PRMT3: variants seen among roughly 807,000 people sequenced by gnomAD.
The protein encoded by PRMT3 is protein arginine N-methyltransferase 3.
PRMT3 carries 62 observed loss-of-function variants against 71.9 expected under a neutral mutation model. That is an observed-to-expected ratio of 0.86 (90% CI 0.70 to 1.07). The LOEUF (loss-of-function observed/expected upper bound fraction) is 1.07, where lower values mean the gene tolerates loss of function less well. Ranked by LOEUF, PRMT3 falls within the 50% of genes least tolerant of loss-of-function variation. The pLI is 0.00. For synonymous variants in PRMT3, 213 were observed against 220.4 expected, an observed-to-expected ratio of 0.97 and a Z score of 0.30; for missense variants, 663 against 643.0, an observed-to-expected ratio of 1.03 and a Z score of -0.34.
chr11:20,445,150 A>G (rs1257142317), intron 10 of PRMT3, among the ~76,000 whole-genome samples: 1 of 151,948 alleles, frequency 6.6e-6, no homozygotes, highest in African/African-American at 2.4e-5. Flanking sequence ...CCTCTCTTAC[A>G]ATCTCTTCCT....
At chr11:20,477,814 C>CG (rs1454833415) in intron 13 of PRMT3, among the ~76,000 whole-genome samples, 17 of 122,840 alleles carry the variant, frequency 1.4e-4, no homozygotes, top group African/African-American at 4.8e-4. Flanking sequence ...CCCCCCCCCC[C>CG]ACTTCCTGTT....
chr11:20,392,702 A>AT (rs1848742587), intron 4 of PRMT3, among the ~76,000 whole-genome samples, 195 bp from the exon 5 acceptor site: 1 of 151,020 alleles, frequency 6.6e-6, no homozygotes. Flanking sequence ...AGTAAAAAAA[A>AT]CTCTGCGTTG....
intron 11 of PRMT3, among the ~76,000 whole-genome samples, chr11:20,457,353 T>C (rs925717316): frequency 1.3e-5 from 2 of 152,204 alleles, no homozygotes; most frequent in Non-Finnish European, 2.9e-5. Context: ...TGTGGCATCA[T>C]GCATAATGGA....
At chr11:20,406,015 A>G (rs1849062003) in intron 8 of PRMT3, 1 of 152,042 alleles carries the variant, frequency 6.6e-6, no homozygotes, top group African/African-American at 2.4e-5. Context: ...TTCTGTCTCT[A>G]TGATTTTGAC....
intron 9 of PRMT3, 148 bp downstream of exon 9, chr11:20,408,180 T>G: frequency 2.1e-6 from 1 of 480,392 alleles, no homozygotes; most frequent in Non-Finnish European, 3.4e-6. Context: ...GATTTTAAGT[T>G]GAATTGAGCT....
At chr11:20,440,431 G>T (rs182374267) in intron 10 of PRMT3, among the ~76,000 whole-genome samples, 1 of 144,426 alleles carries the variant, frequency 6.9e-6, no homozygotes, top group Non-Finnish European at 1.5e-5. Flanking sequence ...GAATCACGAG[G>T]TCAGGAGATT....
chr11:20,423,212 TTTC>T (rs1214074240), intron 9 of PRMT3, among the ~76,000 whole-genome samples: 2 of 152,204 alleles, frequency 1.3e-5, no homozygotes, highest in Non-Finnish European at 2.9e-5. Flanking sequence ...TAGGACCAGT[TTTC>T]TTCTTCTTGA....
At position 20,438,503 on chromosome 11, in the gene PRMT3, C is replaced by T. The variant is rs538102087; in HGVS notation, c.993+11638C>T. Among the ~76,000 whole-genome samples, 10 of 152,182 alleles carry T rather than the reference C, an allele frequency of 6.6e-5. No homozygotes were observed. In the South Asian group the frequency reaches 1.5e-3, roughly 22 times the overall value. ...GCAACTCGGACTCGTGGGGGTTAGT[C>T]TAGCTTCAGGCAAGCAGGGTACTAG... On this transcript the variant is annotated intron_variant, in intron 10 of 15. Transcript: ENST00000331079.
At chr11:20,390,423 A>C (rs988414969) in intron 3 of PRMT3, among the ~76,000 whole-genome samples, 3 of 152,222 alleles carry the variant, frequency 2.0e-5, no homozygotes, top group African/African-American at 7.2e-5. Flanking sequence ...ATTTAGGGAG[A>C]GCAAGTGTAG....
At chr11:20,477,577 T>TAAAC (rs1850822500) in intron 13 of PRMT3, among the ~76,000 whole-genome samples, 2 of 151,558 alleles carry the variant, frequency 1.3e-5, no homozygotes, top group South Asian at 2.1e-4. Context: ...AGTTGAAGAG[T>TAAAC]AAACAGCATA....
chr11:20,392,316 G>T, intron 4 of PRMT3, 56 bp downstream of exon 4: 1 of 1,495,784 alleles, frequency 6.7e-7, no homozygotes, highest in South Asian at 1.2e-5. Context: ...ATGCTACAGT[G>T]ACTGTCAGTG....
chr11:20,467,829 G>C (rs1850548560), intron 13 of PRMT3, among the ~76,000 whole-genome samples: 1 of 152,182 alleles, frequency 6.6e-6, no homozygotes, highest in Non-Finnish European at 1.5e-5. Context: ...GTAAGATGTT[G>C]TGGCCTAATG....
At chr11:20,477,168 A>G (rs1319346438) in intron 13 of PRMT3, among the ~76,000 whole-genome samples, 1 of 152,184 alleles carries the variant, frequency 6.6e-6, no homozygotes, top group Non-Finnish European at 1.5e-5. Context: ...GAAGGACGTG[A>G]GAATATTTAT....
intron 9 of PRMT3, among the ~76,000 whole-genome samples, chr11:20,421,861 G>A (rs887038850): frequency 6.6e-6 from 1 of 152,244 alleles, no homozygotes; most frequent in Non-Finnish European, 1.5e-5. Context: ...ATTACATAAA[G>A]TACTCGAGAA....
chr11:20,438,638 A>G lies in PRMT3; in HGVS notation c.993+11773A>G, dbSNP rs529369080. On this transcript the variant is annotated intron_variant, in intron 10 of 15. Coordinates refer to ENST00000331079, the MANE Select transcript of PRMT3 (RefSeq NM_005788.4). ...GGATGCACAGATGCTTAGCTTAGCC[A>G]GGTCACTGATTTCCCAGAGGGTGAT... 5.1e-4 allele frequency among the ~76,000 whole-genome samples: 78 copies of G among 152,220 alleles called. 1 individual carries two copies. The highest frequency in any genetic ancestry group is 9.8e-4 in the Admixed American group (15 of 15,290).
Position 20,493,387 on chromosome 11 carries a change from A to G in PRMT3, c.1348-532A>G, listed in dbSNP as rs1347013759. Among the ~76,000 whole-genome samples the G allele has an allele frequency of 2.6e-5, 4 of 152,352 alleles. No homozygotes were observed. In the South Asian group the frequency reaches 6.2e-4, roughly 24 times the overall value. On this transcript the variant is annotated intron_variant, in intron 13 of 15. Coordinates refer to ENST00000331079, the MANE Select transcript of PRMT3 (RefSeq NM_005788.4). ...TAGGATGTTTTAATTATTTATTGCT[A>G]TGTAATAGCCCATCTCAGAACTCTG...
At chr11:20,469,166 T>TATCA (rs1850584541) in intron 13 of PRMT3, among the ~76,000 whole-genome samples, 1 of 152,238 alleles carries the variant, frequency 6.6e-6, no homozygotes, top group South Asian at 2.1e-4. Flanking sequence ...ACATTTCATC[T>TATCA]ATCATATCAG....
At chr11:20,481,573 A>ATGTT (rs879585280) in intron 13 of PRMT3, among the ~76,000 whole-genome samples, 23 of 152,226 alleles carry the variant, frequency 1.5e-4, no homozygotes, top group Non-Finnish European at 2.6e-4. Context: ...GATAGTTTAT[A>ATGTT]TGTTAGTCTC....
intron 13 of PRMT3, among the ~76,000 whole-genome samples, chr11:20,487,679 T>A (rs1401048450): frequency 6.6e-6 from 1 of 152,170 alleles, no homozygotes; most frequent in Non-Finnish European, 1.5e-5. Flanking sequence ...TAAAGCAGTT[T>A]CTAAAATGAA....
Sources: allele counts gnomAD v4.1 joint callset (sites outside exome capture counted in the v4.1 genomes callset), GRCh38; gene constraint gnomAD v4.1.1; transcripts MANE v1.5; gene names NCBI Gene and HGNC (gene_info 2026-07-23, HGNC 2026-07-21).